PCDH15: variants seen among roughly 807,000 people sequenced by gnomAD.
PCDH15 encodes the protein protocadherin-15.
PCDH15 carries 129 observed loss-of-function variants against 178.5 expected under a neutral mutation model. The observed-to-expected ratio is 0.72, with a 90% CI of 0.63 to 0.84. The LOEUF is 0.84. Among genes scored for constraint, PCDH15 ranks in the 40% least tolerant of loss-of-function variants. The probability of loss-of-function intolerance (pLI) is 0.00; values close to 1 mark genes in which losing one functional copy is unlikely to be tolerated. For missense variants in PCDH15, 2,230 were observed against 2,099.9 expected (o/e 1.06, Z -1.21); for synonymous variants, 800 against 732.0 (o/e 1.09, Z -1.50).
At chr10:55,031,877 A>G (rs964885815) in intron 2 of PCDH15, among the ~76,000 whole-genome samples, 2 of 152,184 alleles carry the variant, frequency 1.3e-5, no homozygotes, top group African/African-American at 4.8e-5. Flanking sequence ...TGTTCTTTAT[A>G]AATTACCCAG....
chr10:55,425,941 T>C (rs1310400175), intron 2 of PCDH15, among the ~76,000 whole-genome samples: 1 of 152,222 alleles, frequency 6.6e-6, no homozygotes, highest in Non-Finnish European at 1.5e-5. Context: ...ATTAATTATA[T>C]GTGCATATAT....
chr10:55,446,646 T>G (rs1014406912), intron 2 of PCDH15, among the ~76,000 whole-genome samples: 1 of 152,122 alleles, frequency 6.6e-6, no homozygotes, highest in Non-Finnish European at 1.5e-5. Flanking sequence ...GGGTGGAATA[T>G]GTTTCTTTTC....
At chr10:54,542,182 A>C (rs546782045) in intron 2 of PCDH15, among the ~76,000 whole-genome samples, 1 of 152,336 alleles carries the variant, frequency 6.6e-6, no homozygotes, top group South Asian at 2.1e-4. Context: ...GAAGTAATAT[A>C]GGCTTATATT....
At chr10:53,816,411 G>A in intron 34 of PCDH15, 134 bp from the exon 35 acceptor site, 3 of 392,644 alleles carry the variant, frequency 7.6e-6, no homozygotes, top group Non-Finnish European at 1.3e-5. Flanking sequence ...TTATTCATGT[G>A]TTAGCTACCA....
intron 3 of PCDH15, among the ~76,000 whole-genome samples, chr10:54,493,140 A>G (rs9415340): frequency 0.02 from 3,062 of 152,230 alleles, 105 homozygotes; most frequent in African/African-American, 0.069. Flanking sequence ...GGAATTCAAG[A>G]TGAGATTTAG....
At chr10:55,594,393 T>G (rs1320897109) in intron 2 of PCDH15, among the ~76,000 whole-genome samples, 2 of 151,906 alleles carry the variant, frequency 1.3e-5, no homozygotes. Flanking sequence ...AAAGGAAAAC[T>G]AAAATCACAA....
intron 1 of PCDH15, among the ~76,000 whole-genome samples, chr10:54,710,297 A>G (rs1417940497): frequency 6.6e-6 from 1 of 152,084 alleles, no homozygotes; most frequent in East Asian, 1.9e-4. Context: ...AGGGTTTTAC[A>G]AACACTGAGA....
chr10:55,131,322 G>C (rs1275605227), intron 2 of PCDH15, among the ~76,000 whole-genome samples: 1 of 152,138 alleles, frequency 6.6e-6, no homozygotes, highest in Non-Finnish European at 1.5e-5. Flanking sequence ...AAATAAAGTG[G>C]TGCCCAGAAG....
Position 54,778,070 on chromosome 10 carries a change from C to T in PCDH15, c.-29+22855G>A, listed in dbSNP as rs1949896050. Among the ~76,000 whole-genome samples, 3 of 152,310 alleles carry T rather than the reference C, an allele frequency of 2.0e-5. No homozygotes were observed. In the Middle Eastern group the frequency reaches 0.01, roughly 518 times the overall value. ...AGACATTATGAAACAAGGAAGAATT[C>T]ACGAGAAACTTTGAAATTGCCATAT... On this transcript the variant is annotated intron_variant, in intron 1 of 37. Transcript: ENST00000644397.
At chr10:54,515,165 G>A (rs1206575439) in intron 3 of PCDH15, among the ~76,000 whole-genome samples, 1 of 152,226 alleles carries the variant, frequency 6.6e-6, no homozygotes, top group African/African-American at 2.4e-5. Flanking sequence ...ACCAGCCAAA[G>A]CAGGGAGAGG....
intron 2 of PCDH15, among the ~76,000 whole-genome samples, chr10:55,094,947 T>TTA (rs1554830275): frequency 2.7e-5 from 4 of 150,910 alleles, no homozygotes; most frequent in Admixed American, 6.6e-5. Flanking sequence ...TTTTTTTTTT[T>TTA]ATCTCACTGT....
chr10:54,475,926 T>A, intron 3 of PCDH15, among the ~76,000 whole-genome samples: 1 of 150,034 alleles, frequency 6.7e-6, no homozygotes, highest in East Asian at 2.0e-4. Flanking sequence ...GTAGCATAGG[T>A]CCTGGAAGTG....
At chr10:54,263,119 A>G (rs2057443258) in intron 8 of PCDH15, among the ~76,000 whole-genome samples, 1 of 152,080 alleles carries the variant, frequency 6.6e-6, no homozygotes, top group Non-Finnish European at 1.5e-5. Context: ...AGACAGTACA[A>G]CTCATACCTA....
At chr10:54,908,539 C>T (rs1171527441) in intron 2 of PCDH15, among the ~76,000 whole-genome samples, 2 of 152,204 alleles carry the variant, frequency 1.3e-5, no homozygotes, top group East Asian at 1.9e-4. Flanking sequence ...ACATGGCAGG[C>T]AACAGGCAAG....
At chr10:55,238,775 T>C (rs1841463238) in intron 1 of PCDH15, among the ~76,000 whole-genome samples, 1 of 152,114 alleles carries the variant, frequency 6.6e-6, no homozygotes, top group Admixed American at 6.6e-5. Flanking sequence ...GGAGTATATG[T>C]GATGTTTTCA....
chr10:54,788,426 G>A (rs945122339), intron 1 of PCDH15, among the ~76,000 whole-genome samples: 2 of 151,818 alleles, frequency 1.3e-5, no homozygotes, highest in African/African-American at 4.8e-5. Flanking sequence ...AAAATTTGGA[G>A]ATGTCAGAGA....
intron 2 of PCDH15, among the ~76,000 whole-genome samples, chr10:55,107,370 T>C (rs1837375820): frequency 6.6e-6 from 1 of 152,170 alleles, no homozygotes; most frequent in Admixed American, 6.5e-5. Flanking sequence ...AAGACACTTT[T>C]ATTAGGTCAT....
intron 36 of PCDH15, 108 bp downstream of exon 36, chr10:53,811,441 G>C: frequency 1.5e-6 from 1 of 646,370 alleles, no homozygotes; most frequent in South Asian, 2.7e-5. Context: ...ATACTAGTGA[G>C]ATCGACATGA....
chr10:55,577,145 G>A (rs961781280), intron 2 of PCDH15, among the ~76,000 whole-genome samples: 1 of 152,120 alleles, frequency 6.6e-6, no homozygotes, highest in Non-Finnish European at 1.5e-5. Context: ...GGGAGGCTGA[G>A]GCAGAAAAAT....
Sources: allele counts gnomAD v4.1 joint callset (sites outside exome capture counted in the v4.1 genomes callset), GRCh38; gene constraint gnomAD v4.1.1; transcripts MANE v1.5; gene names NCBI Gene and HGNC (gene_info 2026-07-23, HGNC 2026-07-21).